The following ITCH variants were observed in gnomAD, a reference collection of about 807,000 sequenced individuals.
The protein encoded by ITCH is itchy E3 ubiquitin protein ligase, also known as E3 ubiquitin-protein ligase Itchy homolog.
ITCH carries 28 observed loss-of-function variants against 126.8 expected under a neutral mutation model. The observed-to-expected ratio is 0.22, with a 90% CI of 0.16 to 0.30. The LOEUF is 0.30. ITCH is among the 10% of genes least tolerant of loss of function. ITCH has a pLI of 1.00. For synonymous variants in ITCH, 342 were observed against 340.0 expected (o/e 1.01, Z -0.06); for missense variants, 631 against 1,032.4 (o/e 0.61, Z 5.33).
At chr20:34,444,048 T>C (rs1387158644) in intron 10 of ITCH, among the ~76,000 whole-genome samples, 1 of 152,136 alleles carries the variant, frequency 6.6e-6, no homozygotes, top group African/African-American at 2.4e-5. Context: ...TCTGTGAAAT[T>C]TATCCTAAAG....
chr20:34,456,159 TGTGTG>T (rs1985893265), intron 12 of ITCH, among the ~76,000 whole-genome samples: 1 of 30,586 alleles, frequency 3.3e-5, no homozygotes, highest in South Asian at 2.2e-3. Flanking sequence ...TTTTATATAT[TGTGTG>T]TGTGTGTGTG....
intron 23 of ITCH, among the ~76,000 whole-genome samples, chr20:34,502,216 A>C (rs1419351779): frequency 6.6e-6 from 1 of 152,096 alleles, no homozygotes; most frequent in African/African-American, 2.4e-5. Flanking sequence ...ACTCCTTTCC[A>C]TCTATGTAGT....
In ITCH at chr20:34,408,783, C is replaced by T; in HGVS notation, c.203C>T (p.Pro68Leu). 1.2e-6 allele frequency: 2 copies of T among 1,613,942 alleles called. No homozygotes were observed. The highest frequency in any genetic ancestry group is 1.7e-6 in the Non-Finnish European group (2 of 1,179,920). Residue 68 changes from proline (P) to leucine (L), a missense_variant, in exon 4 of 25, where the codon CCC (proline) becomes CTC (leucine). This residue lies in a region of ITCH where 220 missense variants were observed against 265.7 expected (regional missense o/e 0.83). Coordinates refer to ENST00000374864, the MANE Select transcript of ITCH (RefSeq NM_031483.7). ...ACAAACAGTCCCAAGTGGAAGCAAC[C>T]CCTTACAGTGTAAGCTTGGAAGTAT... Reference protein sequence around the residue: ...NNTNSPKWKQPLTVIVTPVSK... With the variant: ...NNTNSPKWKQLLTVIVTPVSK...
At chr20:34,507,640 C>A in intron 24 of ITCH, 55 bp from the exon 25 acceptor site, 1 of 1,329,660 alleles carries the variant, frequency 7.5e-7, no homozygotes, top group South Asian at 1.2e-5. Flanking sequence ...TACTACACTA[C>A]TCATTTGATT....
intron 2 of ITCH, among the ~76,000 whole-genome samples, chr20:34,371,954 A>T (rs2037647559): frequency 6.6e-6 from 1 of 152,084 alleles, no homozygotes; most frequent in Non-Finnish European, 1.5e-5. Flanking sequence ...GTGCTAACTC[A>T]CTGATTTTTC....
At chr20:34,434,204 G>C (rs1982706005) in intron 7 of ITCH, among the ~76,000 whole-genome samples, 1 of 151,958 alleles carries the variant, frequency 6.6e-6, no homozygotes, top group African/African-American at 2.4e-5. Flanking sequence ...ATGAGCCTGG[G>C]AGGTGAGGCG....
chr20:34,444,542 C>T (rs1015522449), intron 10 of ITCH, among the ~76,000 whole-genome samples: 4 of 152,068 alleles, frequency 2.6e-5, no homozygotes, highest in Admixed American at 2.0e-4. Context: ...AAGATCGCGC[C>T]ATTGCACTCC....
intron 3 of ITCH, among the ~76,000 whole-genome samples, chr20:34,404,982 T>G (rs928781152): frequency 6.6e-6 from 1 of 150,398 alleles, no homozygotes; most frequent in Non-Finnish European, 1.5e-5. Context: ...AGAAAAAAAA[T>G]ACAAAAATTT....
At chr20:34,405,633 TATA>T (rs764051938) in intron 3 of ITCH, among the ~76,000 whole-genome samples, 1 of 152,174 alleles carries the variant, frequency 6.6e-6, no homozygotes, top group Non-Finnish European at 1.5e-5. Context: ...GGCCCTGAAA[TATA>T]ATGAGTGTAT....
intron 12 of ITCH, 93 bp downstream of exon 12, chr20:34,449,573 C>G (rs1984941929): frequency 1.1e-6 from 1 of 875,288 alleles, no homozygotes; most frequent in Non-Finnish European, 1.9e-6. Context: ...ATGTCTGATA[C>G]TGTGCTCTTG....
chr20:34,424,374 A>G lies in ITCH; in HGVS notation c.476-106A>G. The stretch of plus-strand genomic sequence containing the variant: ...TTTAAGTTATAGTATGTTCTTTATT[A>G]CAAAGATTTAATAAAAGGCTTTGCT... On this transcript the variant is annotated intron_variant, in intron 6 of 24. Coordinates refer to ENST00000374864, the MANE Select transcript of ITCH (RefSeq NM_031483.7). 3 of 846,394 alleles carry G rather than the reference A, an allele frequency of 3.5e-6. No homozygotes were observed. In the Admixed American group the frequency reaches 5.7e-5, roughly 16 times the overall value. The allele number at this position is 846,394 out of a possible 1,614,324, so 52.4% of individuals were successfully genotyped here.
At chr20:34,478,165 T>A (rs1463727658) in intron 17 of ITCH, among the ~76,000 whole-genome samples, 1 of 152,214 alleles carries the variant, frequency 6.6e-6, no homozygotes, top group East Asian at 1.9e-4. Flanking sequence ...TAATAAATTG[T>A]AGAGCCTGGA....
intron 12 of ITCH, among the ~76,000 whole-genome samples, chr20:34,456,920 A>G (rs1986062022): frequency 6.9e-6 from 1 of 144,816 alleles, no homozygotes; most frequent in African/African-American, 2.5e-5. Flanking sequence ...TGTAGTATGG[A>G]AAAAAAAAAA....
Position 34,417,207 on chromosome 20 carries a change from C to T in ITCH, c.475+3328C>T, listed in dbSNP as rs763167918. 293 of 670,638 alleles carry T rather than the reference C, an allele frequency of 4.4e-4. 2 individuals are homozygous for T. The highest frequency in any genetic ancestry group is 8.1e-5 in the Non-Finnish European group (30 of 368,844). The allele number at this position is 670,638 out of a possible 1,614,324, so 41.5% of individuals were successfully genotyped here. On this transcript the variant is annotated intron_variant, in intron 6 of 24. Coordinates refer to ENST00000374864, the MANE Select transcript of ITCH (RefSeq NM_031483.7). ...TGCCTCCCGGGTTTAAGTGATTCTC[C>T]TATCTCAGCCTCCCGAGTAGCTGGG...
chr20:34,444,975 A>G (rs1984257136), intron 10 of ITCH, among the ~76,000 whole-genome samples: 1 of 152,204 alleles, frequency 6.6e-6, no homozygotes, highest in African/African-American at 2.4e-5. Context: ...GTCCAAAGCT[A>G]TATATTTAAT....
Position 34,492,514 on chromosome 20 carries a change from T to G in ITCH, c.2333T>G (p.Ile778Ser), listed in dbSNP as rs1989587778. The G allele has an allele frequency of 6.2e-7, 1 of 1,603,540 alleles. No individual in the cohort carries two copies. Among genetic ancestry groups the G allele is most frequent in the Non-Finnish European group, 8.5e-7 (1 of 1,170,386 alleles). The change falls in exon 23 of 25, where the codon ATT (isoleucine) becomes AGT (serine). Residue 778 changes from isoleucine (I) to serine (S), a missense_variant. Coordinates refer to ENST00000374864, the MANE Select transcript of ITCH (RefSeq NM_031483.7). ...TACTTTTAACAGTTTGTTAAAGAAA[T>G]TGATAATGAGAAGAGAATGAGACTT... The part of the protein sequence containing the change: ...IMWFWQFVKE[I>S]DNEKRMRLLQ...
chr20:34,409,146 C>CCT (rs1007075070), intron 4 of ITCH, among the ~76,000 whole-genome samples: 4 of 138,026 alleles, frequency 2.9e-5, no homozygotes, highest in African/African-American at 1.1e-4. Context: ...TACTCCCCCC[C>CCT]CCCCCGGTTT....
chr20:34,418,055 C>G (rs1357523637), intron 6 of ITCH, among the ~76,000 whole-genome samples: 1 of 151,450 alleles, frequency 6.6e-6, no homozygotes, highest in African/African-American at 2.4e-5. Context: ...CAACCTCCGC[C>G]TCCTGGGCTC....
Position 34,413,892 on chromosome 20 carries a change from C to T in ITCH, c.475+13C>T. 8 of 1,598,664 alleles carry T rather than the reference C, an allele frequency of 5.0e-6. No homozygotes were observed. The highest frequency in any genetic ancestry group is 6.9e-6 in the Non-Finnish European group (8 of 1,166,150). Reference sequence around the variant, plus strand: ...ACATGTTCAGAAAGTAAGTGACTACCTTTTTAAGGTCTTTAATGATTCTTC... The same window carrying T: ...ACATGTTCAGAAAGTAAGTGACTACTTTTTTAAGGTCTTTAATGATTCTTC... On this transcript the variant is annotated intron_variant, in intron 6 of 24. Transcript: ENST00000374864.
Sources: allele counts gnomAD v4.1 joint callset (sites outside exome capture counted in the v4.1 genomes callset), GRCh38; gene constraint gnomAD v4.1.1; regional missense constraint gnomAD v4.1.1; transcripts MANE v1.5; gene names NCBI Gene and HGNC (gene_info 2026-07-23, HGNC 2026-07-21).